The following TEAD3 variants were observed in gnomAD, a reference collection of about 807,000 sequenced individuals.
TEAD3 encodes the protein transcriptional enhancer factor TEF-5.
A neutral mutation model predicts 55.6 loss-of-function variants in TEAD3; 15 were observed. That is an observed-to-expected ratio of 0.27 (90% confidence interval 0.18 to 0.42). The LOEUF is 0.42. Ranked by LOEUF, TEAD3 falls within the 10% of genes least tolerant of loss-of-function variation. TEAD3 has a pLI of 1.00. For missense variants in TEAD3, 407 were observed against 576.8 expected, an observed-to-expected ratio of 0.71 and a Z score of 3.01; for synonymous variants, 210 against 232.2, an observed-to-expected ratio of 0.90 and a Z score of 0.87.
At chr6:35,493,073 A>G (rs1192282100) in intron 1 of TEAD3, among the ~76,000 whole-genome samples, 2 of 152,052 alleles carry the variant, frequency 1.3e-5, no homozygotes, top group Non-Finnish European at 2.9e-5. Flanking sequence ...GTCATCTAAG[A>G]ACAAATAGGT....
Position 35,475,188 on chromosome 6 carries a change from G to A in TEAD3, c.1195-31C>T, listed in dbSNP as rs1186535007. ...GGGTGAGCAGGTAAGAGATTCAGGA[G>A]GTCAGGGAGAAAAGGGCCACGGGGC... On this transcript the variant is annotated intron_variant, in intron 12 of 12. Coordinates refer to ENST00000639578, the Ensembl canonical transcript of TEAD3. The surrounding 1 kb of genome is among the most constrained non-coding windows in gnomAD (Gnocchi z 5.4). 2 of 1,569,054 alleles carry A rather than the reference G, an allele frequency of 1.3e-6. No homozygotes were observed. The highest frequency in any genetic ancestry group is 4.7e-5 in the East Asian group (2 of 42,296).
intron 1 of TEAD3, among the ~76,000 whole-genome samples, chr6:35,494,692 G>T (rs1581731745): frequency 6.6e-6 from 1 of 152,188 alleles, no homozygotes; most frequent in Middle Eastern, 3.4e-3. Context: ...AGGAGGGCAG[G>T]ACCAGCGATT....
chr6:35,488,294 G>A lies in TEAD3; in HGVS notation c.-49-1583C>T, dbSNP rs906265135. On this transcript the variant is annotated intron_variant, in intron 1 of 12. Transcript: ENST00000639578. The surrounding 1 kb of genome is among the most constrained non-coding windows in gnomAD (Gnocchi z 4.2). ...GCCCCCGCCCTGGCCCATCCTACAT[G>A]TGGGCCAGGGCTCTGTAAACTGTGA... is the stretch of plus-strand genomic sequence containing the variant. 6.6e-6 allele frequency among the ~76,000 whole-genome samples: 1 copy of A among 152,016 alleles called. No homozygotes were observed. Among genetic ancestry groups the A allele is most frequent in the Non-Finnish European group, 1.5e-5 (1 of 68,012 alleles).
intron 7 of TEAD3, among the ~76,000 whole-genome samples, chr6:35,477,663 AGTT>A (rs1459236559): frequency 3.2e-5 from 4 of 123,520 alleles, no homozygotes; most frequent in African/African-American, 1.2e-4. Flanking sequence ...TTTTGATGAA[AGTT>A]GTTTTAGAGT....
Position 35,483,302 on chromosome 6 carries a change from T to C in TEAD3, c.267+1258A>G, listed in dbSNP as rs1768299432. ...GGTGGAACAGGCCAGACTTGACATA[T>C]GCACCATGGGGATCTGTGGGTCCAA... On this transcript the variant is annotated intron_variant, in intron 3 of 12. Coordinates refer to ENST00000639578, the Ensembl canonical transcript of TEAD3. This position sits in a 1 kb window ranked among gnomAD's most constrained non-coding sequence, Gnocchi z 4.5. Among the ~76,000 whole-genome samples the C allele has an allele frequency of 5.3e-5, 8 of 152,074 alleles. No individual in the cohort carries two copies. The South Asian group carries it at 1.7e-3, about 31-fold the overall frequency.
chr6:35,475,231 A>C lies in TEAD3; in HGVS notation c.1195-74T>G. The stretch of plus-strand genomic sequence containing the variant: ...CACGGGGCAGGGGGCTGAACAGACC[A>C]TTCTCCTTTCCGGATCTATGCCTCT... On this transcript the variant is annotated intron_variant, in intron 12 of 12. Transcript: ENST00000639578. The surrounding 1 kb of genome is among the most constrained non-coding windows in gnomAD (Gnocchi z 5.4). 6.3e-7 allele frequency: 1 copy of C among 1,588,044 alleles called. No homozygotes were observed.
At position 35,486,401 on chromosome 6, in the gene TEAD3, G is replaced by A. The variant is rs1255014260; in HGVS notation, c.202+60C>T. On this transcript the variant is annotated intron_variant, in intron 2 of 12. Coordinates refer to ENST00000639578, the Ensembl canonical transcript of TEAD3. The surrounding 1 kb of genome is among the most constrained non-coding windows in gnomAD (Gnocchi z 7.3). ...CCTCCGACGTCACCAAACCGGTTGG[G>A]TGAGAGGGCAGAGAGCAGGGGGAAG... 1.9e-6 allele frequency: 3 copies of A among 1,554,838 alleles called. No homozygotes were observed. The highest frequency in any genetic ancestry group is 2.6e-6 in the Non-Finnish European group (3 of 1,146,276).
chr6:35,478,395 C>T (rs1768196941), intron 6 of TEAD3, 39 bp downstream of exon 6: 4 of 1,613,502 alleles, frequency 2.5e-6, no homozygotes, highest in South Asian at 1.1e-5. Flanking sequence ...TCCTTTACAG[C>T]ACACCCCCAC....
chr6:35,486,407 G>GGGCAGAGA lies in TEAD3; in HGVS notation c.202+46_202+53dup. The GGGCAGAGA allele has an allele frequency of 1.3e-6, 2 of 1,563,570 alleles. No homozygotes were observed. The highest frequency in any genetic ancestry group is 1.7e-6 in the Non-Finnish European group (2 of 1,150,520). On this transcript the variant is annotated intron_variant, in intron 2 of 12. Coordinates refer to ENST00000639578, the Ensembl canonical transcript of TEAD3. This position sits in a 1 kb window ranked among gnomAD's most constrained non-coding sequence, Gnocchi z 7.3. ...ACGTCACCAAACCGGTTGGGTGAGA[G>GGGCAGAGA]GGCAGAGAGCAGGGGGAAGGGCCGC...
Position 35,488,845 on chromosome 6 carries a change from T to C in TEAD3, c.-49-2134A>G, listed in dbSNP as rs529486136. Among the ~76,000 whole-genome samples, 16 of 152,234 alleles carry C rather than the reference T, an allele frequency of 1.1e-4. No individual in the cohort carries two copies. Among genetic ancestry groups the C allele is most frequent in the Admixed American group, 3.9e-4 (6 of 15,302 alleles). On this transcript the variant is annotated intron_variant, in intron 1 of 12. Transcript: ENST00000639578. The surrounding 1 kb of genome is among the most constrained non-coding windows in gnomAD (Gnocchi z 4.2). ...TTCAAGCGATTCTCCTGCCTCAGAC[T>C]CCCATGCAGCCTCCCCCCTCAGCAT...
At position 35,483,867 on chromosome 6, in the gene TEAD3, T is replaced by G. The variant is rs1768313868; in HGVS notation, c.267+693A>C. 6.6e-6 allele frequency among the ~76,000 whole-genome samples: 1 copy of G among 152,100 alleles called. No homozygotes were observed. The highest frequency in any genetic ancestry group is 2.1e-4 in the South Asian group (1 of 4,820). ...TTACTTAACTTCCCTATGCATCAGT[T>G]TCCTCATAGTAAAAAAGACAATTAC... On this transcript the variant is annotated intron_variant, in intron 3 of 12. Coordinates refer to ENST00000639578, the Ensembl canonical transcript of TEAD3. The surrounding 1 kb of genome is among the most constrained non-coding windows in gnomAD (Gnocchi z 4.5).
chr6:35,490,838 G>T (rs974973705), intron 1 of TEAD3, among the ~76,000 whole-genome samples: 4 of 152,312 alleles, frequency 2.6e-5, no homozygotes, highest in Admixed American at 2.6e-4. Flanking sequence ...TTGGTGGAGG[G>T]GTGGGACATC....
In TEAD3 at chr6:35,475,247, CTA is replaced by C; in HGVS notation, c.1194+87_1194+88del. 2.5e-6 allele frequency: 4 copies of C among 1,599,752 alleles called. No homozygotes were observed. Among genetic ancestry groups the C allele is most frequent in the Non-Finnish European group, 3.4e-6 (4 of 1,172,082 alleles). Reference sequence around the variant, plus strand: ...GAACAGACCATTCTCCTTTCCGGATCTATGCCTCTCAGCCAAGCGATGTGTCT... The same window carrying C: ...GAACAGACCATTCTCCTTTCCGGATCTGCCTCTCAGCCAAGCGATGTGTCT... On this transcript the variant is annotated intron_variant, in intron 12 of 12. Transcript: ENST00000639578. This position sits in a 1 kb window ranked among gnomAD's most constrained non-coding sequence, Gnocchi z 5.4.
At chr6:35,476,178 A>C in intron 9 of TEAD3, 86 bp from the exon 10 acceptor site, 1 of 1,541,566 alleles carries the variant, frequency 6.5e-7, no homozygotes, top group South Asian at 1.2e-5. Flanking sequence ...CAGGTATAGA[A>C]TTGCCTAGGG....
In TEAD3 at chr6:35,488,464, C is replaced by T. The variant is rs1768434990; in HGVS notation, c.-49-1753G>A. On this transcript the variant is annotated intron_variant, in intron 1 of 12. Transcript: ENST00000639578. The surrounding 1 kb of genome is among the most constrained non-coding windows in gnomAD (Gnocchi z 4.2). ...TCAGGGTCCTGGAAACCTAAGAGCC[C>T]ATGATGGCTGGATCCTGGGACTTAG... is the stretch of plus-strand genomic sequence containing the variant. 6.6e-6 allele frequency among the ~76,000 whole-genome samples: 1 copy of T among 152,098 alleles called. No individual in the cohort carries two copies. The highest frequency in any genetic ancestry group is 2.4e-5 in the African/African-American group (1 of 41,428).
rs1430808512 is a variant in TEAD3 at position 35,483,492 on chromosome 6, CACTA to C, written c.267+1064_267+1067del. ...CTGCCACCTTCCCTGGATCAGAAGC[CACTA>C]ACTGTCTCTTACATCATCATTTTTC... On this transcript the variant is annotated intron_variant, in intron 3 of 12. Transcript: ENST00000639578. The surrounding 1 kb of genome is among the most constrained non-coding windows in gnomAD (Gnocchi z 4.5). 6.6e-6 allele frequency among the ~76,000 whole-genome samples: 1 copy of C among 152,192 alleles called. No individual in the cohort carries two copies. Among genetic ancestry groups the C allele is most frequent in the Admixed American group, 6.5e-5 (1 of 15,282 alleles).
rs377085523 is a variant in TEAD3, at chr6:35,476,143, C to G, written c.727-51G>C. 29 of 1,534,622 alleles carry G rather than the reference C, an allele frequency of 1.9e-5. No individual in the cohort carries two copies. The Middle Eastern group carries it at 7.0e-4, about 37-fold the overall frequency. ...AGGAGAGTACTCAGGCTTGCAGGCC[C>G]GGGGGCGGGGAAGGGAGCACTGCAC... On this transcript the variant is annotated intron_variant, in intron 9 of 12. Transcript: ENST00000639578.
At chr6:35,489,575 G>GCCGC (rs1472811900) in intron 1 of TEAD3, among the ~76,000 whole-genome samples, 1 of 152,140 alleles carries the variant, frequency 6.6e-6, no homozygotes, top group Non-Finnish European at 1.5e-5. Context: ...CTCTCCCATG[G>GCCGC]CCAGTGGGCG....
At position 35,489,558 on chromosome 6, in the gene TEAD3, G is replaced by C. The variant is rs183519930; in HGVS notation, c.-49-2847C>G. Among the ~76,000 whole-genome samples, 25 of 152,288 alleles carry C rather than the reference G, an allele frequency of 1.6e-4. No homozygotes were observed. In the East Asian group the frequency reaches 4.4e-3, roughly 27 times the overall value. ...TTCTGTGATGCCTCCAGAGCCACCA[G>C]GAATCTCTCTCCCATGGCCAGTGGG... On this transcript the variant is annotated intron_variant, in intron 1 of 12. Transcript: ENST00000639578.
Sources: allele counts gnomAD v4.1 joint callset (sites outside exome capture counted in the v4.1 genomes callset), GRCh38; gene constraint gnomAD v4.1.1; non-coding constraint Gnocchi (gnomAD v3.1); transcripts MANE v1.5; gene names NCBI Gene and HGNC (gene_info 2026-07-23, HGNC 2026-07-21).